Variants in LHFPL6 observed in about 807,000 individuals in gnomAD.
LHFPL6 encodes LHFPL tetraspan subfamily member 6.
In LHFPL6, 9 loss-of-function variants were observed where a neutral mutation model predicts 20.6. The observed-to-expected ratio is 0.44, with a 90% CI of 0.26 to 0.76. The LOEUF is 0.76. Ranked by LOEUF, LHFPL6 falls within the 30% of genes least tolerant of loss-of-function variation. The pLI, the probability that LHFPL6 is intolerant of heterozygous loss-of-function variation, is 0.20. For missense variants in LHFPL6, 218 were observed against 253.5 expected (o/e 0.86, Z 0.95); for synonymous variants, 105 against 98.7 (o/e 1.06, Z -0.38).
chr13:39,462,652 C>A (rs17068651), intron 2 of LHFPL6, among the ~76,000 whole-genome samples: 23,855 of 152,016 alleles, frequency 0.16, 3,488 homozygotes, highest in East Asian at 0.51. Flanking sequence ...GTGAAGTGGG[C>A]AGTGGACATT....
chr13:39,390,997 A>G (rs1870695568), intron 2 of LHFPL6, among the ~76,000 whole-genome samples: 1 of 152,200 alleles, frequency 6.6e-6, no homozygotes, highest in Non-Finnish European at 1.5e-5. Flanking sequence ...ACTCTGTCTC[A>G]AAACTAAATA....
intron 2 of LHFPL6, among the ~76,000 whole-genome samples, chr13:39,511,182 T>C (rs1180938143): frequency 6.6e-6 from 1 of 152,174 alleles, no homozygotes; most frequent in Non-Finnish European, 1.5e-5. Flanking sequence ...CAAAATATTT[T>C]CTTACGCAGT....
At chr13:39,475,878 G>A (rs761528982) in intron 2 of LHFPL6, among the ~76,000 whole-genome samples, 2 of 152,150 alleles carry the variant, frequency 1.3e-5, no homozygotes, top group Non-Finnish European at 2.9e-5. Flanking sequence ...GTGTAGCACT[G>A]TAGCTGGCAG....
intron 2 of LHFPL6, among the ~76,000 whole-genome samples, chr13:39,531,185 A>C (rs150666144): frequency 7.1e-4 from 108 of 152,328 alleles, no homozygotes; most frequent in African/African-American, 2.4e-3. Context: ...GCAGAACTTA[A>C]GAGTAAGTAT....
intron 2 of LHFPL6, among the ~76,000 whole-genome samples, chr13:39,406,245 G>C (rs948798621): frequency 7.2e-5 from 11 of 152,088 alleles, no homozygotes; most frequent in Non-Finnish European, 1.3e-4. Flanking sequence ...ATTGTGTCAG[G>C]ATAGTATCAA....
At chr13:39,349,687 T>C (rs1296672019) in intron 3 of LHFPL6, among the ~76,000 whole-genome samples, 1 of 152,204 alleles carries the variant, frequency 6.6e-6, no homozygotes, top group Non-Finnish European at 1.5e-5. Context: ...AGGCAGCATA[T>C]TGCAAGTGAT....
At chr13:39,533,483 A>G (rs569114738) in intron 2 of LHFPL6, among the ~76,000 whole-genome samples, 8 of 152,300 alleles carry the variant, frequency 5.3e-5, no homozygotes, top group African/African-American at 1.9e-4. Context: ...AGTGCCCCAC[A>G]TCGCTTTCAC....
At chr13:39,376,507 G>A (rs575848817) in intron 3 of LHFPL6, among the ~76,000 whole-genome samples, 1 of 152,306 alleles carries the variant, frequency 6.6e-6, no homozygotes, top group African/African-American at 2.4e-5. Flanking sequence ...TCTACCAGAA[G>A]AGCCAGTATT....
intron 3 of LHFPL6, among the ~76,000 whole-genome samples, chr13:39,353,146 C>G (rs1869636652): frequency 6.6e-6 from 1 of 150,728 alleles, no homozygotes; most frequent in South Asian, 2.1e-4. Flanking sequence ...CCATGCCCAG[C>G]TAATTTTTGT....
chr13:39,374,383 G>A (rs1464414430), intron 3 of LHFPL6, among the ~76,000 whole-genome samples: 1 of 152,092 alleles, frequency 6.6e-6, no homozygotes, highest in Non-Finnish European at 1.5e-5. Flanking sequence ...ACTACTATGA[G>A]GGGAGGGACG....
At chr13:39,531,303 G>A (rs1870458626) in intron 2 of LHFPL6, among the ~76,000 whole-genome samples, 1 of 152,092 alleles carries the variant, frequency 6.6e-6, no homozygotes, top group Non-Finnish European at 1.5e-5. Context: ...CTGTGCTGGT[G>A]GAAATGGCTT....
intron 2 of LHFPL6, among the ~76,000 whole-genome samples, chr13:39,592,580 C>T (rs970289324): frequency 2.0e-5 from 3 of 152,122 alleles, no homozygotes; most frequent in African/African-American, 7.2e-5. Context: ...TGAAACTATT[C>T]CAATCAATAG....
chr13:39,428,205 C>A (rs73458874), intron 2 of LHFPL6, among the ~76,000 whole-genome samples: 1 of 152,102 alleles, frequency 6.6e-6, no homozygotes, highest in Non-Finnish European at 1.5e-5. Flanking sequence ...CTTTGTCTGG[C>A]CTTATACATA....
intron 2 of LHFPL6, among the ~76,000 whole-genome samples, chr13:39,562,637 T>TACACATATATACACACATATACAC: frequency 7.5e-6 from 1 of 132,992 alleles, no homozygotes; most frequent in Non-Finnish European, 1.6e-5. Flanking sequence ...CACATATATA[T>TACACATATATACACACATATACAC]ACACATATAT....
intron 2 of LHFPL6, among the ~76,000 whole-genome samples, chr13:39,580,403 T>C (rs567536915): frequency 6.6e-6 from 1 of 152,228 alleles, no homozygotes; most frequent in South Asian, 2.1e-4. Context: ...ACGTCCTGAA[T>C]AAGAAGTCAC....
chr13:39,383,747 C>A (rs17059768), intron 2 of LHFPL6, among the ~76,000 whole-genome samples: 14,804 of 152,222 alleles, frequency 0.097, 762 homozygotes, highest in Middle Eastern at 0.13. Context: ...GGGTCATACT[C>A]TGTCAATAAG....
At chr13:39,451,968 C>G (rs1226113849) in intron 2 of LHFPL6, among the ~76,000 whole-genome samples, 2 of 152,004 alleles carry the variant, frequency 1.3e-5, no homozygotes, top group Non-Finnish European at 2.9e-5. Flanking sequence ...GTGCATAAGA[C>G]AAGCTTAAAA....
At chr13:39,352,972 C>CAT (rs374747296) in intron 3 of LHFPL6, among the ~76,000 whole-genome samples, 1,193 of 69,108 alleles carry the variant, frequency 0.017, 145 homozygotes, top group African/African-American at 0.07. Context: ...CACACACACA[C>CAT]ATATATATAT....
intron 2 of LHFPL6, among the ~76,000 whole-genome samples, chr13:39,408,668 A>G (rs1020718861): frequency 6.6e-6 from 1 of 152,244 alleles, no homozygotes; most frequent in African/African-American, 2.4e-5. Context: ...TGAGCCTTTG[A>G]AAATAAAAGT....
Sources: gnomAD v4.1 joint callset for allele counts (sites outside exome capture counted in the v4.1 genomes callset) on GRCh38, gnomAD v4.1.1 for gene constraint, MANE v1.5 for transcripts, NCBI Gene and HGNC (gene_info 2026-07-23, HGNC 2026-07-21) for gene names.